TCF4: variants seen among roughly 807,000 people sequenced by gnomAD.
The protein encoded by TCF4 is transcription factor 4, also known as SL3-3 enhancer factor 2.
TCF4 carries 3 observed loss-of-function variants against 82.1 expected under a neutral mutation model. That is an observed-to-expected ratio of 0.04 (90% CI 0.02 to 0.09). The LOEUF (loss-of-function observed/expected upper bound fraction) is 0.09. TCF4 is among the 10% of genes least tolerant of loss of function. TCF4 has a pLI of 1.00. For missense variants in TCF4, 518 were observed against 852.7 expected (o/e 0.61, Z 4.89); for synonymous variants, 276 against 309.6 (o/e 0.89, Z 1.14).
intron 2 of TCF4, among the ~76,000 whole-genome samples, chr18:55,597,656 G>C (rs571684110): frequency 6.7e-6 from 1 of 150,246 alleles, no homozygotes; most frequent in East Asian, 1.9e-4. Context: ...GACAAAGCAA[G>C]ACTCTGTCTC....
intron 6 of TCF4, among the ~76,000 whole-genome samples, chr18:55,359,797 T>C (rs560449582): frequency 6.6e-6 from 1 of 152,372 alleles, no homozygotes; most frequent in African/African-American, 2.4e-5. Context: ...TTCTGCTGAT[T>C]CCTAATTACA....
chr18:55,587,390 C>A (rs2097660358), intron 1 of TCF4, among the ~76,000 whole-genome samples: 1 of 84,156 alleles, frequency 1.2e-5, no homozygotes, highest in African/African-American at 4.7e-5. Flanking sequence ...ATTGTATTTC[C>A]AAAGAGACGA....
intron 8 of TCF4, among the ~76,000 whole-genome samples, chr18:55,310,188 G>C (rs2071852356): frequency 6.6e-6 from 1 of 152,154 alleles, no homozygotes; most frequent in Admixed American, 6.5e-5. Context: ...TACCAAGCTG[G>C]ACAGGGAAAC....
intron 17 of TCF4, 66 bp from the exon 18 acceptor site, chr18:55,229,142 T>G (rs1375340419): frequency 6.4e-7 from 1 of 1,574,312 alleles, no homozygotes; most frequent in Non-Finnish European, 8.7e-7. Flanking sequence ...CTACATTACT[T>G]TGTTTTCTTC....
intron 5 of TCF4, among the ~76,000 whole-genome samples, chr18:55,443,808 T>A (rs1224062188): frequency 6.6e-6 from 1 of 152,210 alleles, no homozygotes; most frequent in South Asian, 2.1e-4. Flanking sequence ...AATAGCGCCA[T>A]TAACTCCTTA....
intron 3 of TCF4, among the ~76,000 whole-genome samples, chr18:55,580,552 C>A (rs1176715230): frequency 6.6e-6 from 1 of 151,902 alleles, no homozygotes; most frequent in African/African-American, 2.4e-5. Flanking sequence ...ACATTGATAT[C>A]TGTCATAAAT....
chr18:55,382,345 C>A (rs1161627117), intron 6 of TCF4, among the ~76,000 whole-genome samples: 1 of 151,818 alleles, frequency 6.6e-6, no homozygotes, highest in Non-Finnish European at 1.5e-5. Context: ...AAAAAAAAAT[C>A]TTGCTTCCTC....
chr18:55,259,800 C>T, intron 13 of TCF4, 149 bp downstream of exon 13: 1 of 699,134 alleles, frequency 1.4e-6, no homozygotes, highest in Middle Eastern at 2.4e-4. Flanking sequence ...TAATTTGTCT[C>T]TCCCACCCTT....
chr18:55,493,338 A>T (rs1169715016), intron 3 of TCF4, among the ~76,000 whole-genome samples: 1 of 152,212 alleles, frequency 6.6e-6, no homozygotes, highest in Non-Finnish European at 1.5e-5. Context: ...TCTCTGGTCA[A>T]AGCAATTTGG....
chr18:55,603,216 C>A (rs1290233295), intron 2 of TCF4, among the ~76,000 whole-genome samples: 4 of 152,122 alleles, frequency 2.6e-5, no homozygotes, highest in Admixed American at 6.5e-5. Context: ...TTCTACCCAC[C>A]AAATGCCCGT....
At chr18:55,358,910 T>C (rs1489589910) in intron 6 of TCF4, among the ~76,000 whole-genome samples, 1 of 152,178 alleles carries the variant, frequency 6.6e-6, no homozygotes, top group Non-Finnish European at 1.5e-5. Context: ...AGTTAGATAA[T>C]ACAAAGTGCT....
At chr18:55,277,569 AAATT>A (rs1220534161) in intron 9 of TCF4, among the ~76,000 whole-genome samples, 2 of 151,868 alleles carry the variant, frequency 1.3e-5, no homozygotes, top group African/African-American at 4.8e-5. Flanking sequence ...AGATGTGTGC[AAATT>A]AATTGTGCTC....
At chr18:55,346,011 T>C (rs1258039418) in intron 8 of TCF4, among the ~76,000 whole-genome samples, 3 of 152,148 alleles carry the variant, frequency 2.0e-5, no homozygotes, top group Admixed American at 2.0e-4. Flanking sequence ...TTGTGATTTC[T>C]TCAAGCACCT....
At chr18:55,238,326 A>G (rs1273556435) in intron 15 of TCF4, among the ~76,000 whole-genome samples, 1 of 152,252 alleles carries the variant, frequency 6.6e-6, no homozygotes, top group Non-Finnish European at 1.5e-5. Flanking sequence ...CTATGCTAAA[A>G]ATAGAAGATA....
intron 4 of TCF4, 93 bp downstream of exon 4, chr18:55,463,977 TGAGAGA>T (rs1555671780): frequency 4.3e-5 from 13 of 303,684 alleles, no homozygotes; most frequent in Admixed American, 2.5e-4. Flanking sequence ...TGTGTGTGTG[TGAGAGA>T]GAGAGAGAGA....
At chr18:55,606,595 A>C (rs1478170398) in intron 2 of TCF4, among the ~76,000 whole-genome samples, 1 of 152,244 alleles carries the variant, frequency 6.6e-6, no homozygotes, top group Non-Finnish European at 1.5e-5. Context: ...AGTTTGGGGC[A>C]GATAAAGGTA....
At chr18:55,233,311 T>C (rs950835734) in intron 16 of TCF4, among the ~76,000 whole-genome samples, 19 of 152,212 alleles carry the variant, frequency 1.2e-4, no homozygotes, top group African/African-American at 4.3e-4. Flanking sequence ...CTGTCAAGTA[T>C]TCCTCTTTAT....
At chr18:55,358,758 T>C (rs1430496553) in intron 6 of TCF4, among the ~76,000 whole-genome samples, 3 of 152,208 alleles carry the variant, frequency 2.0e-5, no homozygotes, top group Non-Finnish European at 4.4e-5. Context: ...TAGGAGCCCA[T>C]CTAATTAAGT....
At chr18:55,380,612 C>T (rs993654437) in intron 6 of TCF4, among the ~76,000 whole-genome samples, 12 of 152,050 alleles carry the variant, frequency 7.9e-5, no homozygotes, top group African/African-American at 2.7e-4. Context: ...CAGCCCAAAA[C>T]GATAAATAAA....
Sources: gnomAD v4.1 joint callset for allele counts (sites outside exome capture counted in the v4.1 genomes callset) on GRCh38, gnomAD v4.1.1 for gene constraint, MANE v1.5 for transcripts, NCBI Gene and HGNC (gene_info 2026-07-23, HGNC 2026-07-21) for gene names.